Variants in PSPC1 observed in about 807,000 individuals in gnomAD.
PSPC1 encodes paraspeckle component 1, also known as paraspeckle protein 1.
In PSPC1, 14 loss-of-function variants were observed where a neutral mutation model predicts 51.6. The observed-to-expected ratio is 0.27, with a 90% CI of 0.18 to 0.42. The LOEUF is 0.42. PSPC1 is among the 10% of genes least tolerant of loss of function. PSPC1 has a pLI of 1.00. For synonymous variants in PSPC1, 193 were observed against 231.9 expected, an observed-to-expected ratio of 0.83 and a Z score of 1.53; for missense variants, 406 against 701.1, an observed-to-expected ratio of 0.58 and a Z score of 4.75.
intron 6 of PSPC1, among the ~76,000 whole-genome samples, chr13:19,680,206 G>A (rs1877117348): frequency 6.6e-6 from 1 of 152,014 alleles, no homozygotes; most frequent in South Asian, 2.1e-4. Flanking sequence ...GTAGAGATAG[G>A]GTTTCACCAT....
At chr13:19,673,559 A>ATATC (rs1420716499), downstream of PSPC1, 1 of 172,518 alleles carries the variant, frequency 5.8e-6, no homozygotes, top group African/African-American at 2.4e-5. Flanking sequence ...ATCATGTAGT[A>ATATC]TATCTGATTT....
rs539884917 is a variant in PSPC1, at chr13:19,782,672, C to G, written c.86G>C (p.Ser29Thr). Residue 29 changes from serine (S) to threonine (T), a missense_variant, in exon 1 of 9, where the codon AGC (serine) becomes ACC (threonine). Coordinates refer to ENST00000338910, the MANE Select transcript of PSPC1 (RefSeq NM_001354909.2). This position sits in a 1 kb window ranked among gnomAD's most constrained non-coding sequence, Gnocchi z 4.5. Reference protein sequence around the residue: ...LRALESAVGESEPAAAAAMAL... With the variant: ...LRALESAVGETEPAAAAAMAL... ...CATGGCTGCCGCGGCCGCCGGCTCG[C>G]TCTCGCCCACCGCGGACTCCAGGGC... 3.8e-6 allele frequency: 6 copies of G among 1,560,062 alleles called. No homozygotes were observed. The East Asian group carries it at 9.9e-5, about 26-fold the overall frequency.
intron 4 of PSPC1, among the ~76,000 whole-genome samples, chr13:19,748,619 A>G (rs1365552546): frequency 6.6e-6 from 1 of 152,084 alleles, no homozygotes; most frequent in African/African-American, 2.4e-5. Context: ...CATGTCTCCC[A>G]TAACTGACAT....
At position 19,713,545 on chromosome 13, in the gene PSPC1, CAAAAA is replaced by C. The variant is rs61024238; in HGVS notation, c.1159-3951_1159-3947del. On this transcript the variant is annotated intron_variant, in intron 6 of 8. Transcript: ENST00000338910. ...AACATATCTCCATGTCCCAGACAGC[CAAAAA>C]AAAAAAAAAAAAAAAGAATTCCAAC... Among the ~76,000 whole-genome samples the C allele has an allele frequency of 2.7e-3, 237 of 87,210 alleles. 4 individuals carry two copies. The highest frequency in any genetic ancestry group is 0.019 in the East Asian group (52 of 2,790). 57.2% of individuals were successfully genotyped at this position (87,210 alleles called of 152,430 possible).
At chr13:19,745,103 A>C (rs904330034) in intron 4 of PSPC1, among the ~76,000 whole-genome samples, 31 of 152,094 alleles carry the variant, frequency 2.0e-4, no homozygotes, top group African/African-American at 7.5e-4. Flanking sequence ...GGATCACTTG[A>C]GGTCAGGAGT....
At position 19,688,962 on chromosome 13, in the gene PSPC1, T is replaced by TAAAAAAAAA. The variant is rs67276894; in HGVS notation, c.1159-11148_1159-11140dup. ...TACTTTTAATGGTGTGATAAACTCT[T>TAAAAAAAAA]AAAAAAAAAAAAAAAGGAAACTCAT... is the stretch of plus-strand genomic sequence containing the variant. On this transcript the variant is annotated intron_variant and NMD_transcript_variant, in intron 6 of 7. Transcript: ENST00000471658. Among the ~76,000 whole-genome samples the TAAAAAAAAA allele has an allele frequency of 3.7e-5, 2 of 54,360 alleles. 1 individual carries two copies. 35.7% of individuals were successfully genotyped at this position (54,360 alleles called of 152,430 possible).
intron 4 of PSPC1, among the ~76,000 whole-genome samples, chr13:19,746,856 C>T (rs1252650792): frequency 6.6e-6 from 1 of 151,178 alleles, no homozygotes; most frequent in Admixed American, 6.6e-5. Context: ...ACGCCTGTAA[C>T]CCCAACACCT....
intron 4 of PSPC1, among the ~76,000 whole-genome samples, chr13:19,745,001 T>C (rs984269903): frequency 6.6e-6 from 1 of 152,198 alleles, no homozygotes; most frequent in African/African-American, 2.4e-5. Context: ...CACTTTGAAA[T>C]GCTTTCCTGG....
intron 5 of PSPC1, among the ~76,000 whole-genome samples, chr13:19,736,802 C>A (rs9579674): frequency 0.086 from 13,089 of 152,100 alleles, 601 homozygotes; most frequent in Middle Eastern, 0.13. Context: ...TAATATTAAC[C>A]CCTTGTATAA....
At chr13:19,687,979 C>T (rs1448157995) in intron 6 of PSPC1, among the ~76,000 whole-genome samples, 3 of 151,942 alleles carry the variant, frequency 2.0e-5, no homozygotes, top group Non-Finnish European at 4.4e-5. Flanking sequence ...CCTTTGCTCA[C>T]GGTGGGCCCA....
chr13:19,742,671 G>A (rs1202260241), intron 4 of PSPC1, among the ~76,000 whole-genome samples: 1 of 152,144 alleles, frequency 6.6e-6, no homozygotes, highest in Admixed American at 6.6e-5. Context: ...TATGGGAGGC[G>A]GAGGTTGCAG....
intron 2 of PSPC1, among the ~76,000 whole-genome samples, chr13:19,762,926 T>C (rs1194583764): frequency 6.6e-6 from 1 of 151,996 alleles, no homozygotes; most frequent in Non-Finnish European, 1.5e-5. Context: ...ACCAACATGG[T>C]GAAACCCCGT....
intron 2 of PSPC1, among the ~76,000 whole-genome samples, chr13:19,769,475 C>T (rs540044257): frequency 1.3e-5 from 2 of 152,266 alleles, no homozygotes; most frequent in South Asian, 2.1e-4. Flanking sequence ...GAATGGTGAA[C>T]CCAGGAGGCG....
chr13:19,694,837 T>C (rs1428471171), intron 6 of PSPC1, among the ~76,000 whole-genome samples: 1 of 152,238 alleles, frequency 6.6e-6, no homozygotes, highest in African/African-American at 2.4e-5. Flanking sequence ...AATCATTTTC[T>C]TTCCCCTTTG....
intron 5 of PSPC1, among the ~76,000 whole-genome samples, chr13:19,736,594 A>G (rs892781656): frequency 6.6e-6 from 1 of 152,140 alleles, no homozygotes; most frequent in Non-Finnish European, 1.5e-5. Context: ...GAGGCAGGAG[A>G]ATGGCATGAA....
At chr13:19,717,666 A>G (rs916864565) in intron 6 of PSPC1, among the ~76,000 whole-genome samples, 11 of 146,744 alleles carry the variant, frequency 7.5e-5, no homozygotes, top group African/African-American at 2.8e-4. Flanking sequence ...TGATAACACC[A>G]CTGCTCTCTA....
chr13:19,700,554 C>T (rs769215776), downstream of PSPC1, among the ~76,000 whole-genome samples: 12 of 151,944 alleles, frequency 7.9e-5, no homozygotes, highest in African/African-American at 1.9e-4. Flanking sequence ...AAAAAATATG[C>T]ATTTATTTAC....
chr13:19,758,993 G>T (rs368174941), intron 3 of PSPC1, among the ~76,000 whole-genome samples: 2 of 151,062 alleles, frequency 1.3e-5, no homozygotes, highest in East Asian at 3.9e-4. Context: ...TATAAAAAAA[G>T]AAAACTATTA....
chr13:19,686,810 G>A (rs879750267), intron 6 of PSPC1, among the ~76,000 whole-genome samples: 1 of 152,132 alleles, frequency 6.6e-6, no homozygotes, highest in Non-Finnish European at 1.5e-5. Flanking sequence ...GGCCTATTTA[G>A]GTAACTTTTA....
Sources: gnomAD v4.1 joint callset for allele counts (sites outside exome capture counted in the v4.1 genomes callset) on GRCh38, gnomAD v4.1.1 for gene constraint, Gnocchi (gnomAD v3.1) non-coding constraint, MANE v1.5 for transcripts, NCBI Gene and HGNC (gene_info 2026-07-23, HGNC 2026-07-21) for gene names.